TRPC5: variants seen among roughly 807,000 people sequenced by gnomAD.
TRPC5 encodes the protein transient receptor potential cation channel subfamily C member 5.
In TRPC5, 9 loss-of-function variants were observed where a neutral mutation model predicts 56.5. That is an observed-to-expected ratio of 0.16 (90% CI 0.10 to 0.28). TRPC5 has a LOEUF of 0.28. Among genes scored for constraint, TRPC5 ranks in the 10% least tolerant of loss-of-function variants. The pLI, the probability that TRPC5 is intolerant of heterozygous loss-of-function variation, is 1.00. For missense variants in TRPC5, 469 were observed against 748.9 expected, an observed-to-expected ratio of 0.63 and a Z score of 4.36; for synonymous variants, 282 against 278.5, an observed-to-expected ratio of 1.01 and a Z score of -0.13.
chrX:112,057,728 CAGATGGATTCAA>C (rs1279131438), intron 1 of TRPC5, among the ~76,000 whole-genome samples: 1 of 111,978 alleles, frequency 8.9e-6, no homozygotes, highest in Non-Finnish European at 1.9e-5. Flanking sequence ...TCATCGTTTC[CAGATGGATTCAA>C]AGAGCTGGTG....
chrX:111,917,904 T>C (rs1401877894), intron 2 of TRPC5, among the ~76,000 whole-genome samples: 1 of 112,968 alleles, frequency 8.9e-6, no homozygotes, highest in Non-Finnish European at 1.9e-5. Context: ...TTGCAGCTTC[T>C]TCTGCACCTG....
At chrX:111,959,014 A>G (rs1464052544) in intron 1 of TRPC5, among the ~76,000 whole-genome samples, 1 of 112,585 alleles carries the variant, frequency 8.9e-6, no homozygotes, top group Non-Finnish European at 1.9e-5. Flanking sequence ...AAAGCTGAGG[A>G]AGTTTGTTGT....
At chrX:112,036,446 T>C (rs762955661) in intron 1 of TRPC5, among the ~76,000 whole-genome samples, 3 of 111,638 alleles carry the variant, frequency 2.7e-5, no homozygotes, top group Non-Finnish European at 5.6e-5. Context: ...TTTGATAAGG[T>C]CTGTTCCACT....
At chrX:111,934,683 A>C (rs889351994) in intron 2 of TRPC5, among the ~76,000 whole-genome samples, 1 of 111,067 alleles carries the variant, frequency 9.0e-6, no homozygotes, top group African/African-American at 3.3e-5. Flanking sequence ...CAATCGTTTC[A>C]ACTTTTAGCT....
intron 1 of TRPC5, among the ~76,000 whole-genome samples, chrX:112,052,449 G>T (rs1930237885): frequency 1.8e-5 from 2 of 110,989 alleles, no homozygotes; most frequent in South Asian, 3.8e-4. Context: ...TGAGTCCTTT[G>T]TCCATTTTTT....
intron 7 of TRPC5, among the ~76,000 whole-genome samples, chrX:111,811,596 G>C (rs983260304): frequency 1.4e-4 from 16 of 111,348 alleles, no homozygotes; most frequent in Non-Finnish European, 3.0e-4. Flanking sequence ...CAGAGGTTTT[G>C]GGGGGGAGTC....
intron 3 of TRPC5, among the ~76,000 whole-genome samples, chrX:111,877,215 A>C (rs1374406580): frequency 8.9e-6 from 1 of 111,867 alleles, no homozygotes; most frequent in Non-Finnish European, 1.9e-5. Flanking sequence ...AGTGACGTTA[A>C]AGAAGATATT....
intron 7 of TRPC5, among the ~76,000 whole-genome samples, chrX:111,812,987 G>A (rs148435448): frequency 9.0e-6 from 1 of 111,642 alleles, no homozygotes; most frequent in East Asian, 2.8e-4. Context: ...ATTTATTTTC[G>A]TGGGACTAGC....
chrX:111,958,901 A>G (rs1927303746), intron 1 of TRPC5, among the ~76,000 whole-genome samples: 1 of 112,322 alleles, frequency 8.9e-6, no homozygotes, highest in Admixed American at 9.5e-5. Context: ...CAAATTCAGT[A>G]GATGATAAGC....
chrX:111,793,259 T>A (rs756891918), intron 7 of TRPC5, among the ~76,000 whole-genome samples: 2 of 111,614 alleles, frequency 1.8e-5, no homozygotes, highest in East Asian at 5.6e-4. Flanking sequence ...AGAAAGTAGA[T>A]CTGAGTGACA....
At chrX:111,847,516 C>T (rs1922966354) in intron 5 of TRPC5, 80 bp from the exon 6 acceptor site, 2 of 942,598 alleles carry the variant, frequency 2.1e-6, no homozygotes, top group Non-Finnish European at 2.9e-6. Flanking sequence ...TGCTTCCATA[C>T]CCAAACAAAG....
At chrX:112,049,400 T>C (rs1930151107) in intron 1 of TRPC5, among the ~76,000 whole-genome samples, 1 of 106,502 alleles carries the variant, frequency 9.4e-6, no homozygotes, top group Non-Finnish European at 1.9e-5. Context: ...AAGCATGTAT[T>C]ACAGGCTACT....
intron 1 of TRPC5, among the ~76,000 whole-genome samples, chrX:112,011,629 C>T (rs982368726): frequency 5.4e-5 from 6 of 111,675 alleles, no homozygotes; most frequent in African/African-American, 1.6e-4. Flanking sequence ...GCTCAGTGTT[C>T]CACTGCCCTC....
chrX:111,809,901 T>TTGTTTTTGTTTTGTTTTG (rs1921646806), intron 7 of TRPC5, among the ~76,000 whole-genome samples: 1 of 108,768 alleles, frequency 9.2e-6, no homozygotes, highest in African/African-American at 3.4e-5. Context: ...TTTGTTGTTG[T>TTGTTTTTGTTTTGTTTTG]TGTTGTTTTT....
At chrX:112,043,363 T>C (rs16986754) in intron 1 of TRPC5, among the ~76,000 whole-genome samples, 20,445 of 111,230 alleles carry the variant, frequency 0.18, 1,965 homozygotes, top group African/African-American at 0.36. Flanking sequence ...TCTCTTAGCC[T>C]TGAAAAAAGG....
chrX:112,023,554 ATCT>A (rs1448207466), intron 1 of TRPC5, among the ~76,000 whole-genome samples: 1 of 110,075 alleles, frequency 9.1e-6, no homozygotes, highest in African/African-American at 3.3e-5. Context: ...TGGTTTATAA[ATCT>A]TCTTGTCTTT....
chrX:111,992,344 A>C (rs1389940549), intron 1 of TRPC5, among the ~76,000 whole-genome samples: 6 of 111,878 alleles, frequency 5.4e-5, no homozygotes, highest in Admixed American at 2.9e-4. Context: ...TTTTTACTGC[A>C]TTTCAATTAT....
rs190101408 is a variant in TRPC5, at chrX:111,811,950, A to G, written c.1896+22971T>C. Among the ~76,000 whole-genome samples, 265 of 111,484 alleles carry G rather than the reference A, an allele frequency of 2.4e-3. 2 individuals are homozygous for G. The highest frequency in any genetic ancestry group is 4.6e-3 in the Middle Eastern group (1 of 219). ...TACCACAGCTCTTGAAATGAAGTAG[A>G]TATTCAATCAGTATTTCTTAAAATG... On this transcript the variant is annotated intron_variant, in intron 7 of 10. Transcript: ENST00000262839.
In TRPC5 at chrX:111,770,317, T is replaced by C. The variant is rs1478421175; in HGVS notation, c.*5996A>G. Among the ~76,000 whole-genome samples, 1 of 111,502 alleles carries C rather than the reference T, an allele frequency of 9.0e-6. No homozygotes were observed. The highest frequency in any genetic ancestry group is 3.3e-5 in the African/African-American group (1 of 30,675). On this transcript the variant is annotated 3_prime_UTR_variant, in exon 11 of 11. Coordinates refer to ENST00000262839, the MANE Select transcript of TRPC5 (RefSeq NM_012471.3). The stretch of plus-strand genomic sequence containing the variant: ...CCCATCTGTGATATTGCATTATGGG[T>C]GTGGTGTGTTGAACTTATATTTACA...
Sources: allele counts gnomAD v4.1 joint callset (sites outside exome capture counted in the v4.1 genomes callset), GRCh38; gene constraint gnomAD v4.1.1; transcripts MANE v1.5; gene names NCBI Gene and HGNC (gene_info 2026-07-23, HGNC 2026-07-21).